Variants in MAST2 observed in about 807,000 individuals in gnomAD.
MAST2 encodes the protein microtubule-associated serine/threonine-protein kinase 2.
A neutral mutation model predicts 147.4 loss-of-function variants in MAST2; 70 were observed. The observed-to-expected ratio is 0.47, with a 90% CI of 0.39 to 0.58. The LOEUF (loss-of-function observed/expected upper bound fraction) is 0.58, where lower values mean the gene tolerates loss of function less well. Ranked by LOEUF, MAST2 falls within the 20% of genes least tolerant of loss-of-function variation. The probability of loss-of-function intolerance (pLI) is 0.00; values close to 1 mark genes in which losing one functional copy is unlikely to be tolerated. For synonymous variants in MAST2, 869 were observed against 896.8 expected (o/e 0.97, Z 0.55); for missense variants, 2,080 against 2,302.3 (o/e 0.90, Z 1.98).
intron 7 of MAST2, among the ~76,000 whole-genome samples, chr1:46,004,899 CCTGTCA>C (rs1557461465): frequency 6.6e-6 from 1 of 152,050 alleles, no homozygotes. Flanking sequence ...ACAGCAAGAC[CCTGTCA>C]CTTAAAAAAA....
intron 3 of MAST2, among the ~76,000 whole-genome samples, chr1:45,860,735 G>A (rs1222726956): frequency 6.6e-6 from 1 of 151,822 alleles, no homozygotes; most frequent in Non-Finnish European, 1.5e-5. Flanking sequence ...AGGAGGCTGA[G>A]GCAGGAGAAT....
chr1:46,004,041 G>T (rs1028800132), intron 7 of MAST2, among the ~76,000 whole-genome samples: 4 of 152,106 alleles, frequency 2.6e-5, no homozygotes, highest in African/African-American at 9.7e-5. Context: ...TTTGGCAACT[G>T]TTAAGTTTAA....
At chr1:45,949,410 G>A (rs1159188412) in intron 4 of MAST2, among the ~76,000 whole-genome samples, 2 of 152,090 alleles carry the variant, frequency 1.3e-5, no homozygotes, top group South Asian at 4.1e-4. Context: ...GGCAAAGGAC[G>A]TGAACAGATA....
In MAST2 at chr1:45,990,923, G is replaced by C. The variant is rs569639085; in HGVS notation, c.593-6801G>C. ...GTTTTTTTTCATGGTTTTGCTTTTG[G>C]TTTCATATCCTAAAAATTCATCGCC... is the stretch of plus-strand genomic sequence containing the variant. On this transcript the variant is annotated intron_variant, in intron 5 of 28. Transcript: ENST00000361297. Among the ~76,000 whole-genome samples the C allele has an allele frequency of 2.0e-5, 3 of 151,712 alleles. No homozygotes were observed. The East Asian group carries it at 5.8e-4, about 29-fold the overall frequency.
intron 3 of MAST2, among the ~76,000 whole-genome samples, chr1:45,845,129 A>T (rs1001541567): frequency 9.9e-5 from 15 of 152,192 alleles, no homozygotes; most frequent in African/African-American, 3.4e-4. Context: ...TTCATACCAT[A>T]GCAGTTGAGG....
At chr1:45,989,365 G>C (rs137864703) in intron 5 of MAST2, among the ~76,000 whole-genome samples, 62 of 152,260 alleles carry the variant, frequency 4.1e-4, no homozygotes, top group African/African-American at 1.3e-3. Context: ...ACTTTATCAA[G>C]TTGAGTTCAG....
chr1:46,031,273 G>A lies in MAST2; in HGVS notation c.2975G>A (p.Ser992Asn), dbSNP rs1646653368. 1 of 1,537,196 alleles carries A rather than the reference G, an allele frequency of 6.5e-7. No homozygotes were observed. The change falls in exon 23 of 29, where the codon AGC (serine) becomes AAC (asparagine). Residue 992 changes from serine (S) to asparagine (N), a missense_variant. Ser to Asn is a conservative substitution (Grantham distance 46). Coordinates refer to ENST00000361297, the MANE Select transcript of MAST2 (RefSeq NM_015112.3). The surrounding 1 kb of genome is among the most constrained non-coding windows in gnomAD (Gnocchi z 4.1). ...CTGGATGAGGAAGCTGTTGGCCGGA[G>A]CAGTGGTTCCAGTCCAGGTATGGCC... is the stretch of plus-strand genomic sequence containing the variant. The part of the protein sequence containing the change: ...PKLDEEAVGR[S>N]SGSSPAMETR...
intron 4 of MAST2, among the ~76,000 whole-genome samples, chr1:45,930,506 T>C (rs1013129308): frequency 1.5e-4 from 23 of 152,214 alleles, no homozygotes; most frequent in African/African-American, 5.5e-4. Flanking sequence ...CATTCATACA[T>C]TCAACTGCAT....
chr1:45,978,211 T>G (rs1330810111), intron 5 of MAST2, among the ~76,000 whole-genome samples: 3 of 152,142 alleles, frequency 2.0e-5, no homozygotes, highest in Non-Finnish European at 4.4e-5. Context: ...CTCTCATTAG[T>G]AATTATGAAA....
intron 3 of MAST2, among the ~76,000 whole-genome samples, chr1:45,853,215 C>A (rs1274247931): frequency 9.9e-5 from 15 of 152,000 alleles, no homozygotes; most frequent in Admixed American, 9.8e-4. Context: ...CAGATATGAG[C>A]CCCATGCCCT....
intron 16 of MAST2, 96 bp downstream of exon 16, chr1:46,025,911 G>A: frequency 6.7e-7 from 1 of 1,495,530 alleles, no homozygotes; most frequent in Non-Finnish European, 9.2e-7. Flanking sequence ...TATCCAGATG[G>A]CTACCGGGAA....
intron 1 of MAST2, among the ~76,000 whole-genome samples, chr1:45,807,393 G>A (rs1644172743): frequency 1.3e-5 from 2 of 152,086 alleles, no homozygotes; most frequent in Admixed American, 1.3e-4. Flanking sequence ...AGGGTCTGCA[G>A]TCCTCTTTAT....
chr1:46,014,534 C>G (rs1645852410), intron 10 of MAST2, among the ~76,000 whole-genome samples: 1 of 151,890 alleles, frequency 6.6e-6, no homozygotes, highest in Non-Finnish European at 1.5e-5. Context: ...CATAGTATTC[C>G]ATGGTGTATA....
intron 1 of MAST2, among the ~76,000 whole-genome samples, chr1:45,821,241 TAGAA>T (rs1313950056): frequency 6.6e-6 from 1 of 152,132 alleles, no homozygotes; most frequent in Non-Finnish European, 1.5e-5. Flanking sequence ...ATGCTCAAGA[TAGAA>T]TTCCGTATGT....
chr1:45,934,100 C>G (rs997791116), intron 4 of MAST2, among the ~76,000 whole-genome samples: 3 of 152,038 alleles, frequency 2.0e-5, no homozygotes, highest in Non-Finnish European at 2.9e-5. Context: ...GCCTTGGTGT[C>G]TATTATTCCC....
chr1:45,891,631 C>G (rs541933207), intron 4 of MAST2, among the ~76,000 whole-genome samples: 3 of 151,844 alleles, frequency 2.0e-5, no homozygotes, highest in Admixed American at 1.3e-4. Flanking sequence ...ATCTAGTAAC[C>G]TTTTTTTCTT....
chr1:46,031,000 C>G lies in MAST2; in HGVS notation c.2709-7C>G. 6.2e-7 allele frequency: 1 copy of G among 1,611,904 alleles called. No homozygotes were observed. The highest frequency in any genetic ancestry group is 8.5e-7 in the Non-Finnish European group (1 of 1,178,764). ...GGGTCACTCACCCCAGGCCTTGTGTCTCATAGATTACGGAAGCGGCTGTCG... is the reference window on the plus strand; with the variant it reads ...GGGTCACTCACCCCAGGCCTTGTGTGTCATAGATTACGGAAGCGGCTGTCG... On this transcript the variant is annotated splice_region_variant and splice_polypyrimidine_tract_variant and intron_variant, in intron 22 of 28. Coordinates refer to ENST00000361297, the MANE Select transcript of MAST2 (RefSeq NM_015112.3).
At chr1:46,013,857 A>G (rs1031034593) in intron 10 of MAST2, among the ~76,000 whole-genome samples, 2 of 152,120 alleles carry the variant, frequency 1.3e-5, no homozygotes, top group Admixed American at 6.6e-5. Context: ...GTGTGTGTGT[A>G]TATGTGTGTT....
In MAST2 at chr1:46,031,518, T is replaced by C; in HGVS notation, c.3120T>C (p.Thr1040=). 1 of 1,614,176 alleles carries C rather than the reference T, an allele frequency of 6.2e-7. No homozygotes were observed. Among genetic ancestry groups the C allele is most frequent in the Non-Finnish European group, 8.5e-7 (1 of 1,180,016 alleles). ...CTGGGGACTCAACAGAGAAGCGCACTGCTCGCCCTGTCAACAAAGTGATCA... is the reference window on the plus strand; with the variant it reads ...CTGGGGACTCAACAGAGAAGCGCACCGCTCGCCCTGTCAACAAAGTGATCA... The part of the protein sequence containing the change: ...LLSGDSTEKR[T]ARPVNKVIKS... The change falls in exon 24 of 29, where the codon ACT becomes ACC. Residue 1040 remains threonine, a synonymous_variant. Transcript: ENST00000361297. The surrounding 1 kb of genome is among the most constrained non-coding windows in gnomAD (Gnocchi z 4.1).
Sources: allele counts gnomAD v4.1 joint callset (sites outside exome capture counted in the v4.1 genomes callset), GRCh38; gene constraint gnomAD v4.1.1; non-coding constraint Gnocchi (gnomAD v3.1); transcripts MANE v1.5; gene names NCBI Gene and HGNC (gene_info 2026-07-23, HGNC 2026-07-21).